The following RPGRIP1 variants were observed in gnomAD, a reference collection of about 807,000 sequenced individuals.
The protein encoded by RPGRIP1 is RPGR interacting protein 1.
A neutral mutation model predicts 157.9 loss-of-function variants in RPGRIP1; 128 were observed. That is an observed-to-expected ratio of 0.81 (90% CI 0.70 to 0.94). The LOEUF is 0.94. Ranked by LOEUF, RPGRIP1 falls within the 40% of genes least tolerant of loss-of-function variation. RPGRIP1 has a pLI of 0.00. For missense variants in RPGRIP1, 1,486 were observed against 1,545.8 expected (o/e 0.96, Z 0.65); for synonymous variants, 554 against 571.6 (o/e 0.97, Z 0.44).
At chr14:21,288,846 G>T (rs780416886) in intron 2 of RPGRIP1, among the ~76,000 whole-genome samples, 4 of 152,120 alleles carry the variant, frequency 2.6e-5, no homozygotes, top group Non-Finnish European at 4.4e-5. Context: ...AAGTATTACT[G>T]TGTGGGTTTA....
intron 21 of RPGRIP1, among the ~76,000 whole-genome samples, chr14:21,336,997 C>A (rs759470925): frequency 6.6e-6 from 1 of 152,156 alleles, no homozygotes; most frequent in Admixed American, 6.6e-5. Flanking sequence ...TCAAGTTAAA[C>A]GTACAACACA....
intron 1 of RPGRIP1, among the ~76,000 whole-genome samples, chr14:21,282,439 T>C (rs918532246): frequency 6.6e-6 from 1 of 151,834 alleles, no homozygotes; most frequent in Non-Finnish European, 1.5e-5. Context: ...GGTTTCACTA[T>C]GTTGACCAGG....
intron 24 of RPGRIP1, among the ~76,000 whole-genome samples, chr14:21,348,620 A>T (rs925674351): frequency 6.6e-6 from 1 of 150,786 alleles, no homozygotes; most frequent in East Asian, 1.9e-4. Context: ...GCATTTTCGT[A>T]TAGGCAGCTG....
intron 21 of RPGRIP1, among the ~76,000 whole-genome samples, chr14:21,341,037 G>A (rs936410318): frequency 1.1e-4 from 17 of 148,646 alleles, no homozygotes; most frequent in African/African-American, 3.2e-4. Flanking sequence ...ATCAAATATC[G>A]TTTTTTTGTT....
At chr14:21,317,372 G>C (rs1881877146) in intron 10 of RPGRIP1, among the ~76,000 whole-genome samples, 1 of 152,190 alleles carries the variant, frequency 6.6e-6, no homozygotes, top group Admixed American at 6.5e-5. Context: ...AATCCGGCAG[G>C]CCTGAGAAGG....
chr14:21,331,451 G>A (rs1434332274), intron 20 of RPGRIP1, among the ~76,000 whole-genome samples: 1 of 152,076 alleles, frequency 6.6e-6, no homozygotes, highest in African/African-American at 2.4e-5. Flanking sequence ...AAACCCAGGA[G>A]GCAGAGGTTG....
intron 16 of RPGRIP1, 140 bp downstream of exon 16, chr14:21,325,523 T>G: frequency 2.3e-6 from 2 of 873,400 alleles, no homozygotes; most frequent in Non-Finnish European, 3.5e-6. Context: ...CTAGTCTGGA[T>G]TATTCCCTTG....
intron 2 of RPGRIP1, among the ~76,000 whole-genome samples, chr14:21,291,081 C>T (rs375256903): frequency 6.6e-6 from 1 of 151,166 alleles, no homozygotes; most frequent in Non-Finnish European, 1.5e-5. Flanking sequence ...GACCATTTTT[C>T]ATATGCTTAT....
intron 2 of RPGRIP1, among the ~76,000 whole-genome samples, chr14:21,288,528 G>C (rs1291467761): frequency 7.4e-6 from 1 of 135,764 alleles, no homozygotes; most frequent in Non-Finnish European, 1.6e-5. Flanking sequence ...TCTTTTTTTT[G>C]AGATGGAGTT....
chr14:21,334,520 G>T, intron 20 of RPGRIP1, 85 bp from the exon 21 acceptor site: 1 of 883,414 alleles, frequency 1.1e-6, no homozygotes. Flanking sequence ...TGACCAGACA[G>T]TGGATTGGAG....
intron 14 of RPGRIP1, among the ~76,000 whole-genome samples, chr14:21,322,272 C>T (rs559409396): frequency 6.6e-6 from 1 of 152,242 alleles, no homozygotes; most frequent in Non-Finnish European, 1.5e-5. Context: ...ATTCTCCTGC[C>T]TCAGCCTCCC....
chr14:21,299,952 C>T (rs1006043690), intron 3 of RPGRIP1, among the ~76,000 whole-genome samples: 1 of 152,140 alleles, frequency 6.6e-6, no homozygotes, highest in Non-Finnish European at 1.5e-5. Context: ...GTTACAAGGC[C>T]ACAGTCCTAT....
At chr14:21,301,341 G>A in intron 4 of RPGRIP1, 104 bp downstream of exon 4, 1 of 1,219,228 alleles carries the variant, frequency 8.2e-7, no homozygotes, top group African/African-American at 1.6e-5. Flanking sequence ...ACCCCATTTT[G>A]TTCTTTTGTT....
At position 21,325,036 on chromosome 14, in the gene RPGRIP1, T is replaced by C. The variant is rs779898346; in HGVS notation, c.2181T>C (p.Thr727=). Residue 727 remains threonine, a synonymous_variant, in exon 15 of 25, where the codon ACT becomes ACC. Coordinates refer to ENST00000400017, the MANE Select transcript of RPGRIP1 (RefSeq NM_020366.4). ...TTTGCTTTGACAGGGTGCTAGAGACTGTGGAGAAAGTCCATGGCTTGGCCA... is the reference window on the plus strand; with the variant it reads ...TTTGCTTTGACAGGGTGCTAGAGACCGTGGAGAAAGTCCATGGCTTGGCCA... ...GWICFDRVLE[T]VEKVHGLATL... 6.2e-7 allele frequency: 1 copy of C among 1,612,784 alleles called. No individual in the cohort carries two copies. Among genetic ancestry groups the C allele is most frequent in the African/African-American group, 1.3e-5 (1 of 74,934 alleles).
chr14:21,347,556 AT>A (rs1885689949), intron 23 of RPGRIP1, among the ~76,000 whole-genome samples: 3 of 152,258 alleles, frequency 2.0e-5, no homozygotes. Flanking sequence ...AAAAGCTTGA[AT>A]TTTTAGTCCT....
chr14:21,316,883 G>T (rs1255338617), intron 10 of RPGRIP1, among the ~76,000 whole-genome samples: 1 of 151,676 alleles, frequency 6.6e-6, no homozygotes, highest in African/African-American at 2.4e-5. Flanking sequence ...ACTTTGGGAG[G>T]CCGAGGCAGG....
chr14:21,281,614 T>C (rs1183134865), intron 1 of RPGRIP1, among the ~76,000 whole-genome samples: 1 of 150,266 alleles, frequency 6.7e-6, no homozygotes, highest in African/African-American at 2.5e-5. Context: ...GCTTGAACCC[T>C]GGAGGCAGAG....
rs1885185431 is a variant in RPGRIP1, at chr14:21,343,114, A to T, written c.3418A>T (p.Lys1140Ter). 6.2e-7 allele frequency: 1 copy of T among 1,613,390 alleles called. No individual in the cohort carries two copies. Among genetic ancestry groups the T allele is most frequent in the South Asian group, 1.1e-5 (1 of 91,064 alleles). The change falls in exon 22 of 25, where the codon AAA becomes TAA. Residue 1140 changes from lysine to a stop codon, truncating the protein, a stop_gained. Transcript: ENST00000400017. LOFTEE classifies it high-confidence loss of function. ...EAEVMSDENI[K>*]QVYVEYKFYD... ...AGAAGTGATGTCTGATGAGAACATA[A>T]AACAGGTGTATGTGGAGTACAAATT...
Position 21,344,995 on chromosome 14 carries a change from C to T in RPGRIP1, c.3533-118C>T, listed in dbSNP as rs1220608503. The T allele has an allele frequency of 4.4e-6, 3 of 689,598 alleles. No homozygotes were observed. The East Asian group carries it at 8.3e-5, about 19-fold the overall frequency. The allele number at this position is 689,598 out of a possible 1,614,324, so 42.7% of individuals were successfully genotyped here. A position where few individuals can be genotyped will look rare whatever the true frequency, so the allele number is the denominator to read the frequency against. On this transcript the variant is annotated intron_variant, in intron 22 of 24. Transcript: ENST00000400017. ...GCAGTTGGTCCATGTTATTCTAGAT[C>T]CAGGCAAGGAGTCTAATCTTTTTAT...
Sources: gnomAD v4.1 joint callset for allele counts (sites outside exome capture counted in the v4.1 genomes callset) on GRCh38, gnomAD v4.1.1 for gene constraint, MANE v1.5 for transcripts, NCBI Gene and HGNC (gene_info 2026-07-23, HGNC 2026-07-21) for gene names.